Variants in STK31 observed in about 807,000 individuals in gnomAD.
STK31 encodes the protein serine/threonine kinase 31, also known as serine/threonine-protein kinase 31.
Under a neutral mutation model 129.7 loss-of-function variants are expected in STK31, and 89 were observed. The observed-to-expected ratio is 0.69, with a 90% CI of 0.58 to 0.82. STK31 has a LOEUF of 0.82. Ranked by LOEUF, STK31 falls within the 40% of genes least tolerant of loss-of-function variation. The probability of loss-of-function intolerance (pLI) is 0.00; values close to 1 mark genes in which losing one functional copy is unlikely to be tolerated. For synonymous variants in STK31, 448 were observed against 395.3 expected (o/e 1.13, Z -1.58); for missense variants, 1,187 against 1,176.4 (o/e 1.01, Z -0.13).
intron 21 of STK31, 86 bp from the exon 22 acceptor site, chr7:23,790,738 T>A: frequency 8.0e-7 from 1 of 1,244,212 alleles, no homozygotes; most frequent in Non-Finnish European, 1.1e-6. Flanking sequence ...TGAATTTGTT[T>A]TTTGTATTGA....
chr7:23,806,309 A>G (rs991555761), intron 22 of STK31, among the ~76,000 whole-genome samples: 55 of 152,206 alleles, frequency 3.6e-4, no homozygotes, highest in African/African-American at 1.2e-3. Context: ...ATACAGGTAC[A>G]CTTTTCACAC....
At position 23,815,196 on chromosome 7, in the gene STK31, T is replaced by C; in HGVS notation, c.2813T>C (p.Val938Ala). The change falls in exon 23 of 24, where the codon GTG becomes GCG. Residue 938 changes from valine (V) to alanine (A), a missense_variant. By Grantham distance (64) the Val-to-Ala change is moderately conservative. Coordinates refer to ENST00000355870, the MANE Select transcript of STK31 (RefSeq NM_031414.5). ...ATAAATAAAGATGGAATCCCCAAAG[T>C]GGATCAGTTTCATCTGGTATGTGAC... ...FEINKDGIPKVDQFHLDDKVK... is the reference protein window; with the variant it reads ...FEINKDGIPKADQFHLDDKVK... The C allele has an allele frequency of 6.3e-7, 1 of 1,591,488 alleles. No homozygotes were observed. Among genetic ancestry groups the C allele is most frequent in the Non-Finnish European group, 8.5e-7 (1 of 1,170,014 alleles).
chr7:23,816,216 A>C (rs1278212159), intron 23 of STK31, among the ~76,000 whole-genome samples: 1 of 152,192 alleles, frequency 6.6e-6, no homozygotes, highest in Non-Finnish European at 1.5e-5. Flanking sequence ...AGGGGATAAC[A>C]AAGAAGGTTG....
chr7:23,729,518 T>TG (rs1345728345), intron 6 of STK31, among the ~76,000 whole-genome samples: 2 of 143,834 alleles, frequency 1.4e-5, no homozygotes, highest in Non-Finnish European at 3.0e-5. Context: ...TTTGTTTTTT[T>TG]TTTTTTTTTT....
chr7:23,769,650 T>TGG lies in STK31; in HGVS notation c.1607_1608insGG (p.Ser537AspfsTer7). Reference sequence around the variant, plus strand: ...ATTTTTGCAAATGAGGTTTTTGACCTATCTGTGGAAGGATCACTGATTTCA... The same window carrying TGG: ...ATTTTTGCAAATGAGGTTTTTGACCTGGATCTGTGGAAGGATCACTGATTTCA... On this transcript the variant is annotated frameshift_variant, in exon 13 of 24. Coordinates refer to ENST00000355870, the MANE Select transcript of STK31 (RefSeq NM_031414.5). LOFTEE classifies it high-confidence loss of function. The TGG allele has an allele frequency of 6.2e-7, 1 of 1,605,100 alleles. No individual in the cohort carries two copies. Among genetic ancestry groups the TGG allele is most frequent in the Non-Finnish European group, 8.5e-7 (1 of 1,175,456 alleles).
chr7:23,818,137 A>G (rs997499339), intron 23 of STK31, among the ~76,000 whole-genome samples: 3 of 152,082 alleles, frequency 2.0e-5, no homozygotes, highest in Admixed American at 6.5e-5. Context: ...TGAAATTAGC[A>G]TATCAACAAG....
chr7:23,791,343 A>T (rs1791602515), intron 22 of STK31: 1 of 982,346 alleles, frequency 1.0e-6, no homozygotes. Flanking sequence ...GGAGCTGGAG[A>T]CCATTATCCT....
intron 23 of STK31, among the ~76,000 whole-genome samples, chr7:23,818,137 A>C (rs997499339): frequency 6.6e-6 from 1 of 152,082 alleles, no homozygotes; most frequent in African/African-American, 2.4e-5. Context: ...TGAAATTAGC[A>C]TATCAACAAG....
chr7:23,810,801 TATATATATTTGTATATAAATATGTATAA>T lies in STK31; in HGVS notation c.2761-4305_2761-4278del, dbSNP rs1212829411. On this transcript the variant is annotated intron_variant, in intron 22 of 23. Coordinates refer to ENST00000355870, the MANE Select transcript of STK31 (RefSeq NM_031414.5). Reference sequence around the variant, plus strand: ...TATTATATATAAATATATAAATATGTATATATATTTGTATATAAATATGTATAAATATATATTTGTATATAAATATGTA... The same window carrying T: ...TATTATATATAAATATATAAATATGTATATATATTTGTATATAAATATGTA... 1.6e-4 allele frequency among the ~76,000 whole-genome samples: 22 copies of T among 139,160 alleles called. No homozygotes were observed. The Middle Eastern group carries it at 0.011, about 71-fold the overall frequency. 91.3% of individuals were successfully genotyped at this position (139,160 alleles called of 152,430 possible).
Position 23,786,616 on chromosome 7 carries a change from T to A in STK31, c.2383T>A (p.Phe795Ile), listed in dbSNP as rs758286708. 1.4e-5 allele frequency: 22 copies of A among 1,613,100 alleles called. No homozygotes were observed. The African/African-American group carries it at 2.9e-4, about 22-fold the overall frequency. The change falls in exon 19 of 24, where the codon TTC becomes ATC. Residue 795 changes from phenylalanine (F) to isoleucine (I), a missense_variant. Physicochemically the swap from Phe to Ile is conservative, Grantham distance 21. Transcript: ENST00000355870. Reference protein sequence around the residue: ...EGDSGLLPLIFLFLCKSDPMA... With the variant: ...EGDSGLLPLIILFLCKSDPMA... ...AGACTCAGGGTTACTGCCATTGATA[T>A]TCCTGTTTTTATGTAAGGTAAAGTT... is the stretch of plus-strand genomic sequence containing the variant.
Position 23,710,232 on chromosome 7 carries a change from A to G in STK31, c.-54A>G. Reference sequence around the variant, plus strand: ...TGTGGGGCCCTTGCGGTCGAAGCTCACGCGGTAAGCCGCTGCACGTGTGCT... The same window carrying G: ...TGTGGGGCCCTTGCGGTCGAAGCTCGCGCGGTAAGCCGCTGCACGTGTGCT... On this transcript the variant is annotated 5_prime_UTR_variant, in exon 1 of 24. Transcript: ENST00000355870. 1 of 1,611,698 alleles carries G rather than the reference A, an allele frequency of 6.2e-7. No homozygotes were observed. The highest frequency in any genetic ancestry group is 8.5e-7 in the Non-Finnish European group (1 of 1,179,700).
chr7:23,736,772 G>A (rs1016505711), intron 7 of STK31, 132 bp from the exon 8 acceptor site: 7 of 620,880 alleles, frequency 1.1e-5, no homozygotes, highest in Non-Finnish European at 1.8e-5. Context: ...TTATGAACTA[G>A]GTAAATATTT....
chr7:23,735,199 A>C (rs1414910045), intron 6 of STK31, among the ~76,000 whole-genome samples: 2 of 151,996 alleles, frequency 1.3e-5, no homozygotes, highest in African/African-American at 2.4e-5. Flanking sequence ...TTTATGCGCT[A>C]TTGCTTTTCA....
chr7:23,806,701 C>A (rs1342736883), intron 22 of STK31, among the ~76,000 whole-genome samples: 2 of 151,950 alleles, frequency 1.3e-5, no homozygotes, highest in African/African-American at 2.4e-5. Flanking sequence ...GAGATAGAGA[C>A]CATCCTGGTT....
intron 22 of STK31, among the ~76,000 whole-genome samples, chr7:23,809,366 C>T (rs550658583): frequency 6.6e-6 from 1 of 152,098 alleles, no homozygotes; most frequent in Non-Finnish European, 1.5e-5. Flanking sequence ...TTCATCAATT[C>T]TCCACTTAAA....
intron 10 of STK31, among the ~76,000 whole-genome samples, chr7:23,758,004 C>A (rs1789207256): frequency 1.3e-5 from 2 of 152,172 alleles, no homozygotes; most frequent in Non-Finnish European, 2.9e-5. Flanking sequence ...ATCCATGAAA[C>A]CTTGAGTCGA....
intron 15 of STK31, among the ~76,000 whole-genome samples, chr7:23,773,734 A>AGTGTGT (rs58341131): frequency 4.6e-5 from 6 of 130,194 alleles, no homozygotes; most frequent in South Asian, 2.3e-4. Flanking sequence ...TGTGTGTGTG[A>AGTGTGT]GTGTGTGTGT....
At chr7:23,800,771 AT>A (rs1023445369) in intron 22 of STK31, among the ~76,000 whole-genome samples, 1 of 152,158 alleles carries the variant, frequency 6.6e-6, no homozygotes, top group Non-Finnish European at 1.5e-5. Flanking sequence ...ATAGAAAAAA[AT>A]ATAAATAAAA....
At chr7:23,751,720 A>C (rs1562571628) in intron 8 of STK31, among the ~76,000 whole-genome samples, 1 of 152,026 alleles carries the variant, frequency 6.6e-6, no homozygotes, top group East Asian at 1.9e-4. Context: ...AGATTTTGTG[A>C]TTTTTTTAAA....
Sources: allele counts gnomAD v4.1 joint callset (sites outside exome capture counted in the v4.1 genomes callset), GRCh38; gene constraint gnomAD v4.1.1; transcripts MANE v1.5; gene names NCBI Gene and HGNC (gene_info 2026-07-23, HGNC 2026-07-21).